TMEM230: variants seen among roughly 807,000 people sequenced by gnomAD.
TMEM230 encodes UPF0414 transmembrane protein C20orf30.
In TMEM230, 10 loss-of-function variants were observed where a neutral mutation model predicts 15.8. That is an observed-to-expected ratio of 0.63 (90% CI 0.39 to 1.07). TMEM230 has a LOEUF of 1.07. Ranked by LOEUF, TMEM230 falls within the 50% of genes least tolerant of loss-of-function variation. TMEM230 has a pLI of 0.01. For synonymous variants in TMEM230, 67 were observed against 76.9 expected, an observed-to-expected ratio of 0.87 and a Z score of 0.68; for missense variants, 165 against 193.3, an observed-to-expected ratio of 0.85 and a Z score of 0.87.
chr20:5,111,838 C>CA, intron 1 of TMEM230: 1 of 946,466 alleles, frequency 1.1e-6, no homozygotes, highest in Non-Finnish European at 1.3e-6. Flanking sequence ...AATTGTTTTT[C>CA]TTTTTTTTTG....
chr20:5,112,904 C>G (rs2090385207), intron 1 of TMEM230, 57 bp downstream of exon 1: 1 of 1,548,700 alleles, frequency 6.5e-7, no homozygotes, highest in East Asian at 2.4e-5. Flanking sequence ...CGGTCTCGGA[C>G]ACGCCCAGAG....
At chr20:5,101,688 A>C (rs565923384) in intron 4 of TMEM230, among the ~76,000 whole-genome samples, 11 of 152,290 alleles carry the variant, frequency 7.2e-5, no homozygotes, top group Admixed American at 2.0e-4. Flanking sequence ...TCAGCCTCCC[A>C]AAATGCTAGA....
At chr20:5,074,137 C>T (rs778213916) in intron 3 of TMEM230, among the ~76,000 whole-genome samples, 121 of 152,138 alleles carry the variant, frequency 8.0e-4, no homozygotes, top group Non-Finnish European at 1.4e-3. Flanking sequence ...CCCCATGACC[C>T]GAACACCTCC....
chr20:5,100,007 G>T lies in TMEM230; in HGVS notation c.*784C>A. On this transcript the variant is annotated 3_prime_UTR_variant, in exon 5 of 5. Transcript: ENST00000342308. ...TGATCCTTGGAATCATGAGCAGAAT[G>T]ATGACATACTACAAGGTGCTAGCAA... 16 of 985,342 alleles carry T rather than the reference G, an allele frequency of 1.6e-5. No homozygotes were observed. Among genetic ancestry groups the T allele is most frequent in the Non-Finnish European group, 1.9e-5 (16 of 829,892 alleles). 61.0% of individuals were successfully genotyped at this position (985,342 alleles called of 1,614,324 possible). A position where few individuals can be genotyped will look rare whatever the true frequency, so the allele number is the denominator to read the frequency against.
chr20:5,066,748 G>A (rs1054792812), downstream of TMEM230, among the ~76,000 whole-genome samples: 4 of 151,132 alleles, frequency 2.6e-5, no homozygotes, highest in Admixed American at 2.0e-4. Flanking sequence ...TGTGATTAAC[G>A]AGGTCACACC....
At chr20:5,098,833 G>A (rs1600369275), downstream of TMEM230, among the ~76,000 whole-genome samples, 1 of 152,076 alleles carries the variant, frequency 6.6e-6, no homozygotes, top group East Asian at 1.9e-4. Flanking sequence ...ACCATACAAT[G>A]GGAGCCCAAG....
Position 5,084,717 on chromosome 20 carries a change from A to G in TMEM230, c.223-15368T>C, listed in dbSNP as rs553735108. ...GCCAGCTAATTTTTGTATTTTTAGT[A>G]GAGATGGGGTTTCACCATGTTGGCC... On this transcript the variant is annotated intron_variant, in intron 3 of 3. Transcript: ENST00000612323. 1.5e-4 allele frequency among the ~76,000 whole-genome samples: 23 copies of G among 152,192 alleles called. No individual in the cohort carries two copies. In the South Asian group the frequency reaches 3.5e-3, roughly 23 times the overall value.
chr20:5,080,469 T>C (rs1161688800), intron 3 of TMEM230, among the ~76,000 whole-genome samples: 1 of 152,226 alleles, frequency 6.6e-6, no homozygotes, highest in African/African-American at 2.4e-5. Context: ...TGGCAGCAGC[T>C]AGCGTGTTCA....
intron 3 of TMEM230, among the ~76,000 whole-genome samples, chr20:5,069,708 T>C (rs1429920538): frequency 6.6e-6 from 1 of 151,966 alleles, no homozygotes; most frequent in Non-Finnish European, 1.5e-5. Context: ...TCCCTTTCCT[T>C]TTCCTTTCCT....
chr20:5,067,457 A>G (rs1173601174), downstream of TMEM230: 1 of 104,404 alleles, frequency 9.6e-6, no homozygotes, highest in African/African-American at 3.3e-5. Context: ...ATATATATAT[A>G]TATTTTAAGA....
chr20:5,091,732 T>C (rs1396147532), intron 3 of TMEM230, among the ~76,000 whole-genome samples: 4 of 151,924 alleles, frequency 2.6e-5, no homozygotes, highest in African/African-American at 9.7e-5. Context: ...TTTTGATACC[T>C]ACCAAAGCTA....
rs749998097 is a variant in TMEM230, at chr20:5,106,323, T to C, written c.289-13A>G. On this transcript the variant is annotated splice_polypyrimidine_tract_variant and intron_variant, in intron 3 of 4. Transcript: ENST00000342308. ...GGGTTTTCTTAAACTGGAAGAGAAA[T>C]AGAGATGAAAAAGACAACGAAGAAC... 6.9e-6 allele frequency: 11 copies of C among 1,588,178 alleles called. No homozygotes were observed. Among genetic ancestry groups the C allele is most frequent in the Middle Eastern group, 1.7e-4 (1 of 5,918 alleles).
intron 1 of TMEM230, 88 bp downstream of exon 1, chr20:5,112,873 G>A: frequency 1.3e-6 from 2 of 1,547,962 alleles, no homozygotes; most frequent in African/African-American, 2.7e-5. Context: ...ATGACTCGGA[G>A]CTTGATTTCG....
intron 3 of TMEM230, among the ~76,000 whole-genome samples, chr20:5,086,574 A>G (rs1489753526): frequency 6.6e-6 from 1 of 151,540 alleles, no homozygotes; most frequent in Non-Finnish European, 1.5e-5. Context: ...AAAAGAAAAA[A>G]AAGTATCTGT....
chr20:5,108,739 T>C (rs1035894143), intron 3 of TMEM230, among the ~76,000 whole-genome samples: 3 of 152,212 alleles, frequency 2.0e-5, no homozygotes, highest in African/African-American at 2.4e-5. Context: ...TAAGGGGAAG[T>C]GTGCAAAAGG....
chr20:5,106,126 C>T lies in TMEM230; in HGVS notation c.411+62G>A, dbSNP rs1483201375. On this transcript the variant is annotated intron_variant, in intron 4 of 4. Transcript: ENST00000342308. ...ACACACACACACACACACACGCACA[C>T]TAGAGCCTTGGCTAACATTTTAAAA... 11 of 1,570,218 alleles carry T rather than the reference C, an allele frequency of 7.0e-6. No homozygotes were observed. In the South Asian group the frequency reaches 8.3e-5, roughly 12 times the overall value.
chr20:5,067,171 A>G (rs1473098217), downstream of TMEM230: 1 of 151,780 alleles, frequency 6.6e-6, no homozygotes, highest in Admixed American at 6.6e-5. Context: ...CTTCAGAATT[A>G]TCCGGTGAGG....
chr20:5,099,235 TCAATCAATCAA>T (rs2089760216), downstream of TMEM230, among the ~76,000 whole-genome samples: 2 of 33,374 alleles, frequency 6.0e-5, no homozygotes, highest in East Asian at 1.0e-3. Flanking sequence ...AATAAATAAA[TCAATCAATCAA>T]TAATAAATAA....
chr20:5,059,172 A>AT, the TMEM230 span, among the ~76,000 whole-genome samples: 36 of 151,060 alleles, frequency 2.4e-4, no homozygotes, highest in African/African-American at 4.9e-4. Context: ...TTTTCTATTT[A>AT]TTTTTTTTTG....
Sources: allele counts gnomAD v4.1 joint callset (sites outside exome capture counted in the v4.1 genomes callset), GRCh38; gene constraint gnomAD v4.1.1; transcripts MANE v1.5; gene names NCBI Gene and HGNC (gene_info 2026-07-23, HGNC 2026-07-21).